MCM7: variants seen among roughly 807,000 people sequenced by gnomAD.
MCM7 encodes the protein DNA replication licensing factor MCM7.
MCM7 carries 95 observed loss-of-function variants against 83.5 expected under a neutral mutation model. That is an observed-to-expected ratio of 1.14 (90% CI 0.96 to 1.35). The LOEUF is 1.35. MCM7 is among the 40% of genes most tolerant of loss of function. The pLI is 0.00. For missense variants in MCM7, 1,087 were observed against 957.4 expected (o/e 1.14, Z -1.79); for synonymous variants, 461 against 352.7 (o/e 1.31, Z -3.44).
chr7:100,093,672 G>C (rs756808891), intron 13 of MCM7: 1 of 719,222 alleles, frequency 1.4e-6, no homozygotes, highest in South Asian at 1.4e-5. Context: ...TCCTGTGAGG[G>C]AGACCAGACC....
At chr7:100,100,356 G>A (rs973101202) in intron 1 of MCM7, 5 of 1,130,354 alleles carry the variant, frequency 4.4e-6, no homozygotes, top group Non-Finnish European at 5.4e-6. Flanking sequence ...AAATTCTAGC[G>A]CCCTTCCCCG....
intron 1 of MCM7, chr7:100,100,390 A>C (rs1478076217): frequency 9.3e-7 from 1 of 1,079,216 alleles, no homozygotes; most frequent in Non-Finnish European, 1.1e-6. Flanking sequence ...CTCCGGTCTC[A>C]AGGTTCTCAG....
At position 100,092,798 on chromosome 7, in the gene MCM7, T is replaced by TTTA; in HGVS notation, c.*131_*133dup. 1 of 913,864 alleles carries TTTA rather than the reference T, an allele frequency of 1.1e-6. No individual in the cohort carries two copies. The highest frequency in any genetic ancestry group is 2.6e-5 in the Admixed American group (1 of 37,908). 56.6% of individuals were successfully genotyped at this position (913,864 alleles called of 1,614,324 possible). On this transcript the variant is annotated 3_prime_UTR_variant, in exon 15 of 15. Coordinates refer to ENST00000303887, the MANE Select transcript of MCM7 (RefSeq NM_005916.5). ...TAGAAGATGACAATCTACAAACACT[T>TTTA]TTATTAGCAAAAGGAGTAAGTGCAG...
rs1446456808 is a variant in MCM7, at chr7:100,094,353, G to A, written c.1680-12C>T. The A allele has an allele frequency of 2.5e-6, 4 of 1,613,694 alleles. No individual in the cohort carries two copies. Among genetic ancestry groups the A allele is most frequent in the Middle Eastern group, 1.7e-4 (1 of 6,060 alleles). Reference sequence around the variant, plus strand: ...TGGCTATGTAACGCCTGTGGGGGAAGGTTCATGGGGAAGCAGAAGAGGGAG... The same window carrying A: ...TGGCTATGTAACGCCTGTGGGGGAAAGTTCATGGGGAAGCAGAAGAGGGAG... On this transcript the variant is annotated splice_polypyrimidine_tract_variant and intron_variant, in intron 12 of 14. Coordinates refer to ENST00000303887, the MANE Select transcript of MCM7 (RefSeq NM_005916.5).
chr7:100,100,278 G>A (rs1795902589), intron 1 of MCM7, 185 bp from the exon 2 acceptor site: 3 of 1,372,398 alleles, frequency 2.2e-6, no homozygotes, highest in Admixed American at 3.1e-5. Context: ...GAAGAATAAA[G>A]AGCCCGTGGC....
Position 100,093,127 on chromosome 7 carries a change from C to CT in MCM7, c.1964dup (p.Arg656GlufsTer12). On this transcript the variant is annotated frameshift_variant, in exon 15 of 15. Transcript: ENST00000303887. LOFTEE classifies it high-confidence loss of function. ...TGGCAAATATCACATCTGCTGGTCT[C>CT]TGAGTCCTGAAGGAAATGAGTGGGT... is the stretch of plus-strand genomic sequence containing the variant. 1 of 1,613,800 alleles carries CT rather than the reference C, an allele frequency of 6.2e-7. No individual in the cohort carries two copies. Among genetic ancestry groups the CT allele is most frequent in the Non-Finnish European group, 8.5e-7 (1 of 1,179,832 alleles).
At chr7:100,101,187 G>C (rs1411470112) in intron 1 of MCM7, 77 bp downstream of exon 1, 1 of 1,576,718 alleles carries the variant, frequency 6.3e-7, no homozygotes, top group Admixed American at 1.7e-5. Flanking sequence ...GGTCCCCCAA[G>C]ACCCCAGCTC....
chr7:100,099,897 C>A, intron 2 of MCM7, 117 bp downstream of exon 2: 1 of 1,415,262 alleles, frequency 7.1e-7, no homozygotes, highest in Non-Finnish European at 9.9e-7. Flanking sequence ...GAGCGATACT[C>A]GCTTTTCAGC....
At position 100,097,862 on chromosome 7, in the gene MCM7, G is replaced by C; in HGVS notation, c.957C>G (p.Leu319=). 1 of 1,614,126 alleles carries C rather than the reference G, an allele frequency of 6.2e-7. No individual in the cohort carries two copies. The highest frequency in any genetic ancestry group is 8.5e-7 in the Non-Finnish European group (1 of 1,180,022). The change falls in exon 8 of 15, where the codon CTC becomes CTG. Residue 319 remains leucine (L), a synonymous_variant. Transcript: ENST00000303887. Reference sequence around the variant, plus strand: ...CAATTTGCCTCAGCTCCTCCCTGGTGAGCTCTCCAGCCCCAGACTCATCAT... The same window carrying C: ...CAATTTGCCTCAGCTCCTCCCTGGTCAGCTCTCCAGCCCCAGACTCATCAT... The part of the protein sequence containing the change: ...SEDDESGAGE[L]TREELRQIAE...
Position 100,093,397 on chromosome 7 carries a change from C to T in MCM7, c.1853G>A (p.Arg618His), listed in dbSNP as rs766322249. The T allele has an allele frequency of 6.0e-5, 97 of 1,613,926 alleles. No individual in the cohort carries two copies. Among genetic ancestry groups the T allele is most frequent in the Non-Finnish European group, 7.9e-5 (93 of 1,179,984 alleles). ...AILRLSTALA[R>H]LRMVDVVEKE... ...CTCCACCACATCCACCATTCTCAGA[C>T]GTGCCTAAGGGGAAGGTAGGGGGGA... The change falls in exon 14 of 15, where the codon CGT becomes CAT. Residue 618 changes from arginine (R) to histidine (H), a missense_variant. Transcript: ENST00000303887.
Position 100,094,179 on chromosome 7 carries a change from A to T in MCM7, c.1842T>A (p.Thr614=), listed in dbSNP as rs760333789. 3.1e-6 allele frequency: 5 copies of T among 1,614,204 alleles called. No individual in the cohort carries two copies. Among genetic ancestry groups the T allele is most frequent in the Non-Finnish European group, 3.4e-6 (4 of 1,180,018 alleles). The change falls in exon 13 of 15, where the codon ACT becomes ACA. Residue 614 remains threonine (T), a synonymous_variant. Transcript: ENST00000303887. ...CAGCAATTTGGGCACTTACCAGAGCAGTGGAAAGGCGCAGGATAGCCAGCA... is the reference window on the plus strand; with the variant it reads ...CAGCAATTTGGGCACTTACCAGAGCTGTGGAAAGGCGCAGGATAGCCAGCA... ...RTLLAILRLS[T]ALARLRMVDV...
At chr7:100,093,871 CAGAA>C (rs754793022) in intron 13 of MCM7, 4 of 654,792 alleles carry the variant, frequency 6.1e-6, no homozygotes, top group Non-Finnish European at 1.2e-5. Context: ...GACGGGAGGA[CAGAA>C]AGGAAGGTCT....
At position 100,099,097 on chromosome 7, in the gene MCM7, C is replaced by CA; in HGVS notation, c.507dup (p.Val170CysfsTer3). On this transcript the variant is annotated frameshift_variant, in exon 5 of 15. Coordinates refer to ENST00000303887, the MANE Select transcript of MCM7 (RefSeq NM_005916.5). LOFTEE classifies it high-confidence loss of function. ...ACCATCTTGGGTTTGACTTCAGAGA[C>CA]ACGAGTGACGATTCCACGCACAGTT... 1 of 1,614,176 alleles carries CA rather than the reference C, an allele frequency of 6.2e-7. No individual in the cohort carries two copies. The highest frequency in any genetic ancestry group is 8.5e-7 in the Non-Finnish European group (1 of 1,180,034).
rs927011136 is a variant in MCM7, at chr7:100,100,169, G to A, written c.32-76C>T. On this transcript the variant is annotated intron_variant, in intron 1 of 14. Coordinates refer to ENST00000303887, the MANE Select transcript of MCM7 (RefSeq NM_005916.5). ...AGATACCCATTTTCGCTTAAAACAC[G>A]ACCTATGAACTAATTAATAATATGA... 8.9e-6 allele frequency: 14 copies of A among 1,570,048 alleles called. No homozygotes were observed. The Admixed American group carries it at 1.1e-4, about 12-fold the overall frequency.
At chr7:100,097,426 G>C (rs943630849) in intron 9 of MCM7, 42 bp from the exon 10 acceptor site, 6 of 1,606,006 alleles carry the variant, frequency 3.7e-6, no homozygotes, top group Non-Finnish European at 5.1e-6. Context: ...TCTTCTCCCA[G>C]TGCTTGGCCA....
chr7:100,099,068 C>T lies in MCM7; in HGVS notation c.537G>A (p.Val179=), dbSNP rs1795794804. Residue 179 remains valine (V), a synonymous_variant, in exon 5 of 15, where the codon GTG becomes GTA. Transcript: ENST00000303887. ...RVSEVKPKMV[V]ATYTCDQCGA... ...CACACTGGTCACAAGTGTAAGTGGC[C>T]ACCACCATCTTGGGTTTGACTTCAG... 6.2e-7 allele frequency: 1 copy of T among 1,614,042 alleles called. No homozygotes were observed. The highest frequency in any genetic ancestry group is 8.5e-7 in the Non-Finnish European group (1 of 1,180,044).
intron 10 of MCM7, among the ~76,000 whole-genome samples, chr7:100,096,446 C>T (rs1006648764): frequency 2.6e-5 from 4 of 152,212 alleles, no homozygotes; most frequent in Non-Finnish European, 5.9e-5. Flanking sequence ...AGACTATAGG[C>T]ACTCACTACC....
chr7:100,098,093 G>C lies in MCM7; in HGVS notation c.870+48C>G, dbSNP rs764134257. The C allele has an allele frequency of 1.4e-5, 22 of 1,603,920 alleles. 1 individual carries two copies. The South Asian group carries it at 2.4e-4, about 18-fold the overall frequency. ...TTCTCTGTGTGGGTAGAATGAGTAG[G>C]TGAGGGAAAAGGGGATGATCCATTC... On this transcript the variant is annotated intron_variant, in intron 7 of 14. Coordinates refer to ENST00000303887, the MANE Select transcript of MCM7 (RefSeq NM_005916.5).
At position 100,098,685 on chromosome 7, in the gene MCM7, T is replaced by C. The variant is rs145784812; in HGVS notation, c.613A>G (p.Met205Val). The C allele has an allele frequency of 2.4e-4, 391 of 1,613,812 alleles. 1 individual carries two copies. Among genetic ancestry groups the C allele is most frequent in the Non-Finnish European group, 3.0e-4 (352 of 1,179,994 alleles). ...IQSPTFMPLI[M>V]CPSQECQTNR... ...GTTTGGCACTCCTGGCTTGGGCACA[T>C]GATCAGAGGCATGAAAGTGGGAGAC... Residue 205 changes from methionine (M) to valine (V), a missense_variant, in exon 6 of 15, where the codon ATG becomes GTG. Coordinates refer to ENST00000303887, the MANE Select transcript of MCM7 (RefSeq NM_005916.5).
Sources: gnomAD v4.1 joint callset for allele counts (sites outside exome capture counted in the v4.1 genomes callset) on GRCh38, gnomAD v4.1.1 for gene constraint, MANE v1.5 for transcripts, NCBI Gene and HGNC (gene_info 2026-07-23, HGNC 2026-07-21) for gene names.